PRKN: variants seen among roughly 807,000 people sequenced by gnomAD.
PRKN encodes the protein parkin RBR E3 ubiquitin protein ligase, also known as E3 ubiquitin-protein ligase parkin.
In PRKN, 56 loss-of-function variants were observed where a neutral mutation model predicts 59.5. That is an observed-to-expected ratio of 0.94 (90% CI 0.76 to 1.18). The LOEUF (loss-of-function observed/expected upper bound fraction) is 1.18, where lower values mean the gene tolerates loss of function less well. Among genes scored for constraint, PRKN ranks in the 50% most tolerant of loss-of-function variants. PRKN has a pLI of 0.00. For synonymous variants in PRKN, 250 were observed against 222.1 expected (o/e 1.13, Z -1.12); for missense variants, 657 against 596.4 (o/e 1.10, Z -1.06).
At chr6:161,792,133 C>T (rs1183570328) in intron 6 of PRKN, among the ~76,000 whole-genome samples, 2 of 152,216 alleles carry the variant, frequency 1.3e-5, no homozygotes, top group East Asian at 1.9e-4. Context: ...ACTATAACTG[C>T]ATGAGATACC....
At chr6:161,358,817 T>C (rs1165237294) in intron 11 of PRKN, among the ~76,000 whole-genome samples, 1 of 115,250 alleles carries the variant, frequency 8.7e-6, no homozygotes, top group Non-Finnish European at 1.8e-5. Context: ...TTTTTTGAGA[T>C]GGAGTCTCAC....
intron 4 of PRKN, among the ~76,000 whole-genome samples, chr6:162,072,990 C>T (rs548449012): frequency 6.6e-6 from 1 of 152,182 alleles, no homozygotes; most frequent in Non-Finnish European, 1.5e-5. Context: ...TGCAATTTCA[C>T]TTGAGTATCA....
chr6:161,507,515 T>C (rs994531818), intron 9 of PRKN, among the ~76,000 whole-genome samples: 1 of 152,144 alleles, frequency 6.6e-6, no homozygotes, highest in Non-Finnish European at 1.5e-5. Context: ...CTACAATCTC[T>C]TTTGCTAACT....
rs928238980 is a variant in PRKN, at chr6:161,399,282, G to A, written c.1084-12405C>T. On this transcript the variant is annotated intron_variant, in intron 9 of 11. Coordinates refer to ENST00000366898, the MANE Select transcript of PRKN (RefSeq NM_004562.3). The surrounding 1 kb of genome is among the most constrained non-coding windows in gnomAD (Gnocchi z 4.4). ...CATGGGTGACCTGATTTTTCTGGAT[G>A]CCAGACAAGAACTTGGAATATGGAA... is the stretch of plus-strand genomic sequence containing the variant. Among the ~76,000 whole-genome samples the A allele has an allele frequency of 1.3e-5, 2 of 152,162 alleles. No individual in the cohort carries two copies. The highest frequency in any genetic ancestry group is 4.8e-5 in the African/African-American group (2 of 41,418).
intron 6 of PRKN, among the ~76,000 whole-genome samples, chr6:161,874,057 TA>T (rs1440079325): frequency 2.4e-3 from 86 of 36,270 alleles, no homozygotes; most frequent in African/African-American, 7.3e-3. Flanking sequence ...ATGTAAAATA[TA>T]ATATATAATA....
intron 1 of PRKN, among the ~76,000 whole-genome samples, chr6:162,684,148 A>T (rs1363730897): frequency 6.6e-6 from 1 of 152,102 alleles, no homozygotes; most frequent in Non-Finnish European, 1.5e-5. Context: ...TTAAATTAAT[A>T]GGCTGTCTTC....
At chr6:162,640,717 C>T (rs1954810) in intron 1 of PRKN, among the ~76,000 whole-genome samples, 123,050 of 152,158 alleles carry the variant, frequency 0.81, 49,966 homozygotes, top group East Asian at 0.95. Flanking sequence ...GTCACTGATA[C>T]AGTCTGCAAG....
At chr6:162,173,000 C>T (rs1783359205) in intron 4 of PRKN, among the ~76,000 whole-genome samples, 1 of 152,080 alleles carries the variant, frequency 6.6e-6, no homozygotes, top group Admixed American at 6.5e-5. Context: ...GGTCCTGGCC[C>T]CTGAAGACAC....
At chr6:161,895,550 CACGCCCACCCCACCTG>C (rs1777586386) in intron 6 of PRKN, among the ~76,000 whole-genome samples, 3 of 108,094 alleles carry the variant, frequency 2.8e-5, no homozygotes, top group East Asian at 2.9e-4. Context: ...GATTCAGGAG[CACGCCCACCCCACCTG>C]CCGTTATACA....
At chr6:161,412,580 C>A (rs1193645233) in intron 9 of PRKN, among the ~76,000 whole-genome samples, 1 of 150,508 alleles carries the variant, frequency 6.6e-6, no homozygotes, top group Non-Finnish European at 1.5e-5. Flanking sequence ...CTCATTCATT[C>A]CTCCGCTCAC....
At chr6:162,334,483 T>A (rs9365402) in intron 2 of PRKN, among the ~76,000 whole-genome samples, 1 of 152,106 alleles carries the variant, frequency 6.6e-6, no homozygotes, top group African/African-American at 2.4e-5. Context: ...CCAGCACATC[T>A]GTTTACAGTG....
chr6:162,076,744 A>T (rs1467935580), intron 4 of PRKN, among the ~76,000 whole-genome samples: 1 of 152,098 alleles, frequency 6.6e-6, no homozygotes. Context: ...TCCTCCTTTT[A>T]GATCGATGTT....
In PRKN at chr6:161,361,999, C is replaced by T. The variant is rs1253334429; in HGVS notation, c.1168-1794G>A. On this transcript the variant is annotated intron_variant, in intron 10 of 11. Transcript: ENST00000366898. This position sits in a 1 kb window ranked among gnomAD's most constrained non-coding sequence, Gnocchi z 5.2. ...CACCGACCTGCACCCCAACGCCACC[C>T]CGGCCTCATGTTCCACGCTGTTCTT... is the stretch of plus-strand genomic sequence containing the variant. 6.6e-6 allele frequency among the ~76,000 whole-genome samples: 1 copy of T among 152,204 alleles called. No homozygotes were observed. The highest frequency in any genetic ancestry group is 1.9e-4 in the East Asian group (1 of 5,182).
intron 2 of PRKN, among the ~76,000 whole-genome samples, chr6:162,383,748 C>G (rs144668299): frequency 9.6e-4 from 146 of 152,130 alleles, no homozygotes; most frequent in African/African-American, 3.4e-3. Flanking sequence ...TAGCATCTTC[C>G]AATAGAAGGC....
intron 2 of PRKN, among the ~76,000 whole-genome samples, chr6:162,313,090 A>T (rs1420184803): frequency 6.6e-6 from 1 of 152,130 alleles, no homozygotes; most frequent in Non-Finnish European, 1.5e-5. Context: ...GTAAAAAGTA[A>T]AATTATTTTT....
At chr6:162,675,541 A>C (rs2849535) in intron 1 of PRKN, among the ~76,000 whole-genome samples, 1 of 151,958 alleles carries the variant, frequency 6.6e-6, no homozygotes, top group Non-Finnish European at 1.5e-5. Flanking sequence ...AGGAAACCAA[A>C]GTAATGACAC....
At chr6:161,521,926 G>C (rs1778840773) in intron 9 of PRKN, among the ~76,000 whole-genome samples, 1 of 152,128 alleles carries the variant, frequency 6.6e-6, no homozygotes, top group Admixed American at 6.6e-5. Context: ...TTGACATTCT[G>C]GTTGATTATC....
intron 6 of PRKN, among the ~76,000 whole-genome samples, chr6:161,800,208 G>A (rs1019303784): frequency 1.3e-5 from 2 of 152,102 alleles, no homozygotes; most frequent in East Asian, 1.9e-4. Context: ...AGAGAGTGCC[G>A]TGGATCAAGC....
At chr6:162,617,235 T>A (rs1782461339) in intron 1 of PRKN, among the ~76,000 whole-genome samples, 1 of 152,076 alleles carries the variant, frequency 6.6e-6, no homozygotes, top group Admixed American at 6.6e-5. Flanking sequence ...TACATTATGA[T>A]TAATATTATT....
Sources: allele counts gnomAD v4.1 joint callset (sites outside exome capture counted in the v4.1 genomes callset), GRCh38; gene constraint gnomAD v4.1.1; non-coding constraint Gnocchi (gnomAD v3.1); transcripts MANE v1.5; gene names NCBI Gene and HGNC (gene_info 2026-07-23, HGNC 2026-07-21).